Variants in XRN1 observed in about 807,000 individuals in gnomAD.
XRN1 encodes strand-exchange protein 1 homolog.
In XRN1, 67 loss-of-function variants were observed where a neutral mutation model predicts 222.3. That is an observed-to-expected ratio of 0.30 (90% CI 0.25 to 0.37). The LOEUF (loss-of-function observed/expected upper bound fraction) is 0.37, where lower values mean the gene tolerates loss of function less well. XRN1 is among the 10% of genes least tolerant of loss of function. The pLI, the probability that XRN1 is intolerant of heterozygous loss-of-function variation, is 1.00. For missense variants in XRN1, 1,707 were observed against 2,000.2 expected (o/e 0.85, Z 2.80); for synonymous variants, 643 against 652.4 (o/e 0.99, Z 0.22).
Position 142,403,692 on chromosome 3 carries a change from A to G in XRN1, c.2085T>C (p.Asp695=), listed in dbSNP as rs1385767632. The change falls in exon 18 of 41, where the codon GAT becomes GAC. Residue 695 remains aspartate (D), a synonymous_variant. Transcript: ENST00000392981. ...GENMMLEILV[D]AESDELTVEN... is the part of the protein sequence containing the mutation. Reference sequence around the variant, plus strand: ...TACTTACAAGTTCATCTGATTCTGCATCCACTAAGATTTCCAACATCATGT... The same window carrying G: ...TACTTACAAGTTCATCTGATTCTGCGTCCACTAAGATTTCCAACATCATGT... 6.2e-7 allele frequency: 1 copy of G among 1,613,090 alleles called. No homozygotes were observed. The highest frequency in any genetic ancestry group is 2.2e-5 in the East Asian group (1 of 44,792).
chr3:142,321,359 G>A (rs963824352), intron 37 of XRN1, among the ~76,000 whole-genome samples: 9 of 152,150 alleles, frequency 5.9e-5, no homozygotes, highest in South Asian at 4.1e-4. Context: ...GACCTCAAGC[G>A]ATCCGCCTGC....
intron 32 of XRN1, among the ~76,000 whole-genome samples, chr3:142,354,925 A>C (rs2066419676): frequency 6.6e-6 from 1 of 152,234 alleles, no homozygotes; most frequent in Non-Finnish European, 1.5e-5. Context: ...CCTTTGCAGC[A>C]ACATGGGTGG....
intron 20 of XRN1, among the ~76,000 whole-genome samples, chr3:142,389,668 C>T (rs563302579): frequency 9.5e-4 from 145 of 152,086 alleles, no homozygotes; most frequent in African/African-American, 3.1e-3. Context: ...TACAGGTGTC[C>T]GCCACCACGC....
In XRN1 at chr3:142,432,685, T is replaced by C; in HGVS notation, c.284A>G (p.Asn95Ser). Residue 95 changes from asparagine to serine, a missense_variant, in exon 2 of 41, where the codon AAC becomes AGC. Transcript: ENST00000392981. ...VDGVAPRAKM[N>S]QQRGRRFRSA... Reference sequence around the variant, plus strand: ...CCTAAAACGCCTCCCACGCTGCTGGTTCATTTTTGCTCGAGGAGCCACACC... The same window carrying C: ...CCTAAAACGCCTCCCACGCTGCTGGCTCATTTTTGCTCGAGGAGCCACACC... 1 of 1,608,460 alleles carries C rather than the reference T, an allele frequency of 6.2e-7. No individual in the cohort carries two copies. The highest frequency in any genetic ancestry group is 8.5e-7 in the Non-Finnish European group (1 of 1,176,898).
chr3:142,415,423 G>A (rs889396453), intron 13 of XRN1, among the ~76,000 whole-genome samples: 1 of 152,032 alleles, frequency 6.6e-6, no homozygotes, highest in African/African-American at 2.4e-5. Flanking sequence ...TTAATTCTTG[G>A]GTGTATAATC....
chr3:142,416,013 G>A (rs2068772762), intron 13 of XRN1, among the ~76,000 whole-genome samples: 1 of 152,008 alleles, frequency 6.6e-6, no homozygotes, highest in South Asian at 2.1e-4. Context: ...ACCCGGGAAG[G>A]GGAGGTTGCA....
intron 33 of XRN1, among the ~76,000 whole-genome samples, chr3:142,345,097 AC>A (rs1359509026): frequency 3.3e-5 from 5 of 152,172 alleles, no homozygotes; most frequent in Non-Finnish European, 5.9e-5. Flanking sequence ...CCATACATCT[AC>A]AGTCAATTAC....
chr3:142,312,752 A>G lies in XRN1; in HGVS notation c.4628T>C (p.Ile1543Thr), dbSNP rs2065111180. Residue 1543 changes from isoleucine (I) to threonine (T), a missense_variant, in exon 40 of 41, where the codon ATA (isoleucine) becomes ACA (threonine). Ile to Thr is a moderately conservative substitution (Grantham distance 89). This residue lies in a region of XRN1 where 473 missense variants were observed against 482.0 expected (regional missense o/e 0.98). Coordinates refer to ENST00000392981, the MANE Select transcript of XRN1 (RefSeq NM_001282857.2). Reference sequence around the variant, plus strand: ...AAAGAGATGAGACGACGAAGGCATTATATTAGCTGTTAAAAACCAAGGAAA... The same window carrying G: ...AAAGAGATGAGACGACGAAGGCATTGTATTAGCTGTTAAAAACCAAGGAAA... ...PPAFPPPTANIMPSSSHLFGS... is the reference protein window; with the variant it reads ...PPAFPPPTANTMPSSSHLFGS... 2.8e-5 allele frequency: 45 copies of G among 1,601,546 alleles called. No homozygotes were observed. Among genetic ancestry groups the G allele is most frequent in the Non-Finnish European group, 3.8e-5 (45 of 1,175,190 alleles).
At chr3:142,380,446 T>G (rs1435173153) in intron 22 of XRN1, among the ~76,000 whole-genome samples, 1 of 152,116 alleles carries the variant, frequency 6.6e-6, no homozygotes, top group Non-Finnish European at 1.5e-5. Context: ...TGTTTTTTCT[T>G]GTTTTCTTTT....
At chr3:142,329,405 T>G (rs1393256448) in intron 37 of XRN1, 29 bp downstream of exon 37, 1 of 1,346,688 alleles carries the variant, frequency 7.4e-7, no homozygotes, top group African/African-American at 1.5e-5. Context: ...TTAAATAATT[T>G]ATATAAATAG....
intron 13 of XRN1, among the ~76,000 whole-genome samples, chr3:142,415,537 T>C (rs1262510755): frequency 6.6e-6 from 1 of 152,206 alleles, no homozygotes; most frequent in Non-Finnish European, 1.5e-5. Flanking sequence ...GAAGATTATG[T>C]GAGAGCATGC....
rs1376860132 is a variant in XRN1 at position 142,432,227 on chromosome 3, A to T, written c.308+434T>A. Among the ~76,000 whole-genome samples the T allele has an allele frequency of 5.6e-3, 537 of 96,144 alleles. 1 individual carries two copies. Among genetic ancestry groups the T allele is most frequent in the African/African-American group, 0.025 (511 of 20,318 alleles). The allele number at this position is 96,144 out of a possible 152,430, so 63.1% of individuals were successfully genotyped here. A position where few individuals can be genotyped will look rare whatever the true frequency, so the allele number is the denominator to read the frequency against. ...TATATAATTAATTATATATATAATT[A>T]ATTATATATATATAAAATTTATTTT... is the stretch of plus-strand genomic sequence containing the variant. On this transcript the variant is annotated intron_variant, in intron 2 of 40. Transcript: ENST00000392981.
At chr3:142,417,340 TGAATTAGCTATTTATGGCTA>T (rs1237185228) in intron 12 of XRN1, 111 bp from the exon 13 acceptor site, 21 of 840,948 alleles carry the variant, frequency 2.5e-5, no homozygotes, top group Non-Finnish European at 2.0e-5. Flanking sequence ...ATTTAATCAA[TGAATTAGCTATTTATGGCTA>T]AAAATTATAA....
intron 15 of XRN1, among the ~76,000 whole-genome samples, chr3:142,407,504 T>A (rs1253917507): frequency 2.0e-5 from 3 of 152,104 alleles, no homozygotes; most frequent in Non-Finnish European, 2.9e-5. Flanking sequence ...AATTTTTGTA[T>A]TTTTAGTAGG....
chr3:142,433,011 C>A, intron 1 of XRN1, 118 bp from the exon 2 acceptor site: 3 of 753,248 alleles, frequency 4.0e-6, no homozygotes, highest in South Asian at 2.2e-5. Flanking sequence ...TTCTATTATA[C>A]AAAAACTGAG....
At chr3:142,432,575 G>C in intron 2 of XRN1, 86 bp downstream of exon 2, 1 of 1,224,966 alleles carries the variant, frequency 8.2e-7, no homozygotes, top group Non-Finnish European at 1.1e-6. Flanking sequence ...AACATGAACA[G>C]AAGATTGTGT....
At chr3:142,318,190 C>G (rs2065257283) in intron 39 of XRN1, among the ~76,000 whole-genome samples, 1 of 152,118 alleles carries the variant, frequency 6.6e-6, no homozygotes, top group African/African-American at 2.4e-5. Context: ...GGAAAAAAAG[C>G]TGAGTGATTT....
At chr3:142,431,947 T>C (rs1374794153) in intron 2 of XRN1, among the ~76,000 whole-genome samples, 2 of 84,454 alleles carry the variant, frequency 2.4e-5, no homozygotes, top group African/African-American at 4.7e-5. Context: ...ATATATTATA[T>C]AATATATTAT....
At chr3:142,389,325 T>C (rs1435198559) in intron 20 of XRN1, among the ~76,000 whole-genome samples, 1 of 152,196 alleles carries the variant, frequency 6.6e-6, no homozygotes, top group Non-Finnish European at 1.5e-5. Flanking sequence ...TTTTTTTTGC[T>C]ATTTCCACCA....
Sources: allele counts gnomAD v4.1 joint callset (sites outside exome capture counted in the v4.1 genomes callset), GRCh38; gene constraint gnomAD v4.1.1; regional missense constraint gnomAD v4.1.1; transcripts MANE v1.5; gene names NCBI Gene and HGNC (gene_info 2026-07-23, HGNC 2026-07-21).